Variants in VPS13D observed in about 807,000 individuals in gnomAD.
The protein encoded by VPS13D is intermembrane lipid transfer protein VPS13D.
In VPS13D, 187 loss-of-function variants were observed where a neutral mutation model predicts 461.9. That is an observed-to-expected ratio of 0.40 (90% CI 0.36 to 0.46). The LOEUF is 0.46. Among genes scored for constraint, VPS13D ranks in the 20% least tolerant of loss-of-function variants. VPS13D has a pLI of 0.60. For synonymous variants in VPS13D, 1,951 were observed against 1,986.3 expected, an observed-to-expected ratio of 0.98 and a Z score of 0.47; for missense variants, 4,711 against 5,364.9, an observed-to-expected ratio of 0.88 and a Z score of 3.81.
intron 65 of VPS13D, among the ~76,000 whole-genome samples, chr1:12,421,678 C>G (rs1201304312): frequency 6.6e-6 from 1 of 152,170 alleles, no homozygotes; most frequent in East Asian, 1.9e-4. Context: ...TCTTTTCTGC[C>G]CCTGTAGAAA....
At chr1:12,334,640 C>T (rs1447013707) in intron 38 of VPS13D, among the ~76,000 whole-genome samples, 1 of 152,184 alleles carries the variant, frequency 6.6e-6, no homozygotes, top group Non-Finnish European at 1.5e-5. Context: ...TGGCGTGTGC[C>T]TGTAGTCCCA....
rs144012674 is a variant in VPS13D, at chr1:12,495,867, T to C, written c.12663-1633T>C. Among the ~76,000 whole-genome samples the C allele has an allele frequency of 7.9e-4, 121 of 152,282 alleles. No homozygotes were observed. The highest frequency in any genetic ancestry group is 2.8e-3 in the African/African-American group (116 of 41,552). ...GCAAGTGCTTTGCTAGGCAAGGAGA[T>C]AAGAACAGAGCTCTGCTACGTGGAG... On this transcript the variant is annotated intron_variant, in intron 67 of 69. Coordinates refer to ENST00000620676, the MANE Select transcript of VPS13D (RefSeq NM_015378.4). The surrounding 1 kb of genome is among the most constrained non-coding windows in gnomAD (Gnocchi z 4.0).
chr1:12,287,883 ATC>A (rs1173206437), intron 21 of VPS13D, among the ~76,000 whole-genome samples: 2 of 152,188 alleles, frequency 1.3e-5, no homozygotes, highest in Non-Finnish European at 2.9e-5. Flanking sequence ...GATTTAATGG[ATC>A]TGTTTGAGTT....
intron 37 of VPS13D, among the ~76,000 whole-genome samples, chr1:12,332,377 A>G (rs1643353695): frequency 6.6e-6 from 1 of 152,244 alleles, no homozygotes; most frequent in Admixed American, 6.5e-5. Context: ...TAGTGAAAAC[A>G]ATGTACCACG....
In VPS13D at chr1:12,507,037, GC is replaced by G. The variant is rs1193029148; in HGVS notation, c.12981del (p.Val4328Ter). 6.2e-7 allele frequency: 1 copy of G among 1,614,258 alleles called. No individual in the cohort carries two copies. The highest frequency in any genetic ancestry group is 8.5e-7 in the Non-Finnish European group (1 of 1,180,046). On this transcript the variant is annotated frameshift_variant, in exon 69 of 70. Transcript: ENST00000620676. LOFTEE classifies it high-confidence loss of function. This position sits in a 1 kb window ranked among gnomAD's most constrained non-coding sequence, Gnocchi z 5.3. ...GGTGTATGTGCAGGTGACCAAGAAA[GC>G]CGTGAGCACGAGCAGTGGAGTGTCC... is the stretch of plus-strand genomic sequence containing the variant. Reference protein sequence around the residue: ...GKVYVQVTKKAVSTSSGVSIP... With the variant: ...GKVYVQVTKKXVSTSSGVSIP...
intron 67 of VPS13D, among the ~76,000 whole-genome samples, chr1:12,488,793 G>T (rs1276981424): frequency 6.6e-6 from 1 of 152,048 alleles, no homozygotes; most frequent in Non-Finnish European, 1.5e-5. Flanking sequence ...GTGTATTTCG[G>T]TCCTTGTGAA....
chr1:12,508,542 T>TA (rs540771447), intron 69 of VPS13D, among the ~76,000 whole-genome samples: 19,136 of 116,086 alleles, frequency 0.16, 1,774 homozygotes, highest in Middle Eastern at 0.25. Context: ...CATCTCTACT[T>TA]AAAAAAAAAA....
At chr1:12,449,377 C>T (rs1023170439) in intron 65 of VPS13D, among the ~76,000 whole-genome samples, 2 of 151,884 alleles carry the variant, frequency 1.3e-5, no homozygotes, top group Admixed American at 1.3e-4. Context: ...CTTGCCAAAC[C>T]TCAACTTGTT....
In VPS13D at chr1:12,400,169, C is replaced by A. The variant is rs755692108; in HGVS notation, c.11635-12C>A. 6.2e-7 allele frequency: 1 copy of A among 1,611,140 alleles called. No individual in the cohort carries two copies. ...TTTTTGTTTTTGCTTTGCTACCTTTCCATGGCCGTAGGTGGACAATCAGCT... is the reference window on the plus strand; with the variant it reads ...TTTTTGTTTTTGCTTTGCTACCTTTACATGGCCGTAGGTGGACAATCAGCT... On this transcript the variant is annotated splice_polypyrimidine_tract_variant and intron_variant, in intron 60 of 69. Coordinates refer to ENST00000620676, the MANE Select transcript of VPS13D (RefSeq NM_015378.4).
intron 66 of VPS13D, 50 bp from the exon 67 acceptor site, chr1:12,460,151 T>C: frequency 6.8e-7 from 1 of 1,476,030 alleles, no homozygotes; most frequent in Non-Finnish European, 9.1e-7. Context: ...CTTTAAATGC[T>C]TTTGCTTTTG....
intron 50 of VPS13D, among the ~76,000 whole-genome samples, chr1:12,361,399 ATTTATTTT>A (rs1395463268): frequency 7.1e-6 from 1 of 140,638 alleles, no homozygotes; most frequent in African/African-American, 2.7e-5. Context: ...TTATTTATTT[ATTTATTTT>A]TTTTTTGAGA....
intron 63 of VPS13D, among the ~76,000 whole-genome samples, chr1:12,413,837 G>C (rs1032778127): frequency 1.3e-5 from 2 of 151,910 alleles, no homozygotes; most frequent in Non-Finnish European, 1.5e-5. Context: ...AGAATAGCAA[G>C]GGATCTTGTA....
At position 12,432,158 on chromosome 1, in the gene VPS13D, C is replaced by T. The variant is rs542753656; in HGVS notation, c.12333+15331C>T. Among the ~76,000 whole-genome samples, 6 of 152,222 alleles carry T rather than the reference C, an allele frequency of 3.9e-5. No individual in the cohort carries two copies. The South Asian group carries it at 1.2e-3, about 32-fold the overall frequency. ...CCTGTAATCCCAGCACTTTGGGAGG[C>T]TGAGGCGGGCGGATAACCTGAGGTC... On this transcript the variant is annotated intron_variant, in intron 65 of 69. Coordinates refer to ENST00000620676, the MANE Select transcript of VPS13D (RefSeq NM_015378.4).
In VPS13D at chr1:12,240,549, C is replaced by T. The variant is rs868232126; in HGVS notation, c.98-1964C>T. ...GGCGGAGTTTGCAGTGAGCCGAGAT[C>T]GCGCCATTGCCCTCCAGCCTGGGCG... On this transcript the variant is annotated intron_variant, in intron 2 of 69. Coordinates refer to ENST00000620676, the MANE Select transcript of VPS13D (RefSeq NM_015378.4). Among the ~76,000 whole-genome samples the T allele has an allele frequency of 5.6e-5, 8 of 142,740 alleles. No homozygotes were observed. The Middle Eastern group carries it at 0.014, about 251-fold the overall frequency. The allele number at this position is 142,740 out of a possible 152,430, so 93.6% of individuals were successfully genotyped here.
rs771864671 is a variant in VPS13D, at chr1:12,383,149, A to G, written c.11364A>G (p.Ala3788=). 6.2e-7 allele frequency: 1 copy of G among 1,609,018 alleles called. No individual in the cohort carries two copies. Among genetic ancestry groups the G allele is most frequent in the Non-Finnish European group, 8.5e-7 (1 of 1,178,118 alleles). ...TCATCCCAGATGGACCAACTAGAGC[A>G]CTCCAGGTGATAATTTGTCATAAGA... ...IRVIPDGPTR[A]LQITDFCHRK... Residue 3788 remains alanine, a synonymous_variant, in exon 58 of 70, where the codon GCA becomes GCG. Transcript: ENST00000620676.
chr1:12,487,823 C>A (rs1028353065), intron 67 of VPS13D, among the ~76,000 whole-genome samples: 1 of 152,190 alleles, frequency 6.6e-6, no homozygotes, highest in Non-Finnish European at 1.5e-5. Context: ...GATTGTGTTA[C>A]AAACTTCATT....
chr1:12,405,988 G>A (rs975520494), intron 63 of VPS13D, among the ~76,000 whole-genome samples: 5 of 152,192 alleles, frequency 3.3e-5, no homozygotes, highest in African/African-American at 4.8e-5. Flanking sequence ...GGTTGTGTGT[G>A]CGCTCGGCAT....
rs148423576 is a variant in VPS13D at position 12,293,549 on chromosome 1, C to T, written c.5878C>T (p.Arg1960Trp). 1.6e-5 allele frequency: 25 copies of T among 1,612,860 alleles called. No homozygotes were observed. The African/African-American group carries it at 1.7e-4, about 11-fold the overall frequency. The change falls in exon 24 of 70, where the codon CGG (arginine) becomes TGG (tryptophan). Residue 1960 changes from arginine to tryptophan, a missense_variant. Arg to Trp is a moderately radical substitution (Grantham distance 101). This residue lies in a region of VPS13D where 4,411 missense variants were observed against 4,937.8 expected (regional missense o/e 0.89). Transcript: ENST00000620676. Reference sequence around the variant, plus strand: ...ATACGGACGGCCTGACCCTCTGCTCCGGAGAGAACACGACATTCGCGTGAG... The same window carrying T: ...ATACGGACGGCCTGACCCTCTGCTCTGGAGAGAACACGACATTCGCGTGAG... Reference protein sequence around the residue: ...FKYGRPDPLLRREHDIRVSLR... With the variant: ...FKYGRPDPLLWREHDIRVSLR...
At chr1:12,233,557 C>A (rs1640052684) in intron 1 of VPS13D, among the ~76,000 whole-genome samples, 1 of 152,158 alleles carries the variant, frequency 6.6e-6, no homozygotes, top group Admixed American at 6.5e-5. Context: ...CTGATCACGG[C>A]AGTCTAATCC....
Sources: gnomAD v4.1 joint callset for allele counts (sites outside exome capture counted in the v4.1 genomes callset) on GRCh38, gnomAD v4.1.1 for gene constraint, gnomAD v4.1.1 regional missense constraint, Gnocchi (gnomAD v3.1) non-coding constraint, MANE v1.5 for transcripts, NCBI Gene and HGNC (gene_info 2026-07-23, HGNC 2026-07-21) for gene names.